Variants in KCNH8 observed in about 807,000 individuals in gnomAD.
KCNH8 encodes voltage-gated delayed rectifier potassium channel KCNH8.
Under a neutral mutation model 103.6 loss-of-function variants are expected in KCNH8, and 70 were observed. The ratio of observed to expected loss-of-function variants is 0.68; its 90% CI spans 0.56 to 0.82. The LOEUF is 0.82. Among genes scored for constraint, KCNH8 ranks in the 40% least tolerant of loss-of-function variants. The pLI, the probability that KCNH8 is intolerant of heterozygous loss-of-function variation, is 0.00. For synonymous variants in KCNH8, 498 were observed against 489.4 expected (o/e 1.02, Z -0.23); for missense variants, 1,217 against 1,329.9 (o/e 0.92, Z 1.32).
At chr3:19,154,597 C>T (rs1003247389) in intron 1 of KCNH8, among the ~76,000 whole-genome samples, 18 of 152,138 alleles carry the variant, frequency 1.2e-4, no homozygotes, top group Non-Finnish European at 2.4e-4. Context: ...AATAAAGGTT[C>T]CATAGAATGC....
intron 11 of KCNH8, among the ~76,000 whole-genome samples, chr3:19,508,016 T>C (rs896998794): frequency 4.6e-5 from 7 of 152,240 alleles, no homozygotes; most frequent in African/African-American, 1.7e-4. Context: ...GGGTTTTGCT[T>C]TTAATTCTGT....
intron 4 of KCNH8, among the ~76,000 whole-genome samples, chr3:19,343,418 T>C (rs1171310488): frequency 6.6e-6 from 1 of 152,092 alleles, no homozygotes; most frequent in Non-Finnish European, 1.5e-5. Context: ...TTGTAATTGG[T>C]TCTTAGCACT....
intron 1 of KCNH8, among the ~76,000 whole-genome samples, chr3:19,194,738 A>G (rs1481057117): frequency 6.6e-6 from 1 of 151,896 alleles, no homozygotes. Flanking sequence ...CATACAATAT[A>G]TTCATGTAAC....
At chr3:19,380,022 G>A (rs996785328) in intron 5 of KCNH8, among the ~76,000 whole-genome samples, 4 of 152,102 alleles carry the variant, frequency 2.6e-5, no homozygotes, top group Non-Finnish European at 4.4e-5. Context: ...ATAAAGTTTT[G>A]CTTATTAATC....
At chr3:19,466,807 A>G (rs770414412) in intron 11 of KCNH8, among the ~76,000 whole-genome samples, 2 of 151,370 alleles carry the variant, frequency 1.3e-5, no homozygotes, top group South Asian at 2.1e-4. Flanking sequence ...GATTACAGGC[A>G]TGTGCCACCC....
At chr3:19,447,382 C>T (rs2067378232) in intron 8 of KCNH8, among the ~76,000 whole-genome samples, 1 of 151,950 alleles carries the variant, frequency 6.6e-6, no homozygotes, top group Admixed American at 6.6e-5. Flanking sequence ...ACAATTAATC[C>T]AGTAATTCAT....
chr3:19,476,616 A>T (rs958050213), intron 11 of KCNH8, among the ~76,000 whole-genome samples: 1 of 152,166 alleles, frequency 6.6e-6, no homozygotes, highest in African/African-American at 2.4e-5. Flanking sequence ...CTTTTCACAC[A>T]GATTACCCTG....
intron 1 of KCNH8, among the ~76,000 whole-genome samples, chr3:19,235,353 A>G (rs937301975): frequency 1.3e-5 from 2 of 151,850 alleles, no homozygotes; most frequent in African/African-American, 4.9e-5. Context: ...CTGTTTATAT[A>G]CACAAAAATA....
intron 3 of KCNH8, among the ~76,000 whole-genome samples, chr3:19,333,689 A>T (rs2065542982): frequency 6.6e-6 from 1 of 152,230 alleles, no homozygotes; most frequent in Non-Finnish European, 1.5e-5. Context: ...ATGACAATGT[A>T]TTCCAGCCAA....
intron 6 of KCNH8, among the ~76,000 whole-genome samples, chr3:19,392,045 A>G (rs972020560): frequency 4.6e-4 from 70 of 151,378 alleles, no homozygotes; most frequent in African/African-American, 1.5e-3. Flanking sequence ...TTTATGTTCC[A>G]TTTTTATTTG....
intron 11 of KCNH8, among the ~76,000 whole-genome samples, chr3:19,499,607 G>A (rs1575145457): frequency 6.6e-6 from 1 of 152,152 alleles, no homozygotes; most frequent in South Asian, 2.1e-4. Flanking sequence ...AAACTCTACA[G>A]GCCAGAAGAG....
At position 19,535,583 on chromosome 3, in the gene KCNH8, CTT is replaced by C. The variant is rs2069248785; in HGVS notation, c.*1486_*1487del. The C allele has an allele frequency of 6.6e-6, 1 of 152,172 alleles. No homozygotes were observed. Among genetic ancestry groups the C allele is most frequent in the South Asian group, 2.1e-4 (1 of 4,828 alleles). The allele number at this position is 152,172 out of a possible 1,614,324, so 9.4% of individuals were successfully genotyped here. Reference sequence around the variant, plus strand: ...TATTGGGTTCACATTCTGGAGTTCTCTTTATTTTCCACCACAAAAAATAATCT... The same window carrying C: ...TATTGGGTTCACATTCTGGAGTTCTCTATTTTCCACCACAAAAAATAATCT... On this transcript the variant is annotated 3_prime_UTR_variant, in exon 16 of 16. Coordinates refer to ENST00000328405, the MANE Select transcript of KCNH8 (RefSeq NM_144633.3).
intron 11 of KCNH8, among the ~76,000 whole-genome samples, chr3:19,470,918 A>T (rs978139960): frequency 6.6e-6 from 1 of 152,238 alleles, no homozygotes; most frequent in East Asian, 1.9e-4. Flanking sequence ...GCAGTGGCTC[A>T]TGCTTCATCT....
At chr3:19,196,581 A>G (rs981214381) in intron 1 of KCNH8, among the ~76,000 whole-genome samples, 1 of 152,018 alleles carries the variant, frequency 6.6e-6, no homozygotes, top group African/African-American at 2.4e-5. Context: ...ACAACTCTGT[A>G]AACTGTGGAA....
chr3:19,438,259 C>T lies in KCNH8; in HGVS notation c.1273C>T (p.Leu425=). 1.2e-6 allele frequency: 2 copies of T among 1,614,126 alleles called. No individual in the cohort carries two copies. The highest frequency in any genetic ancestry group is 1.7e-6 in the Non-Finnish European group (2 of 1,180,008). The stretch of plus-strand genomic sequence containing the variant: ...GATCCGAAGTGCCTATATTGCCGCT[C>T]TGTACTTCACGCTGAGCAGCCTCAC... ...PSIRSAYIAA[L]YFTLSSLTSV... The change falls in exon 8 of 16, where the codon CTG becomes TTG. Residue 425 remains leucine (L), a synonymous_variant. Transcript: ENST00000328405.
At chr3:19,310,198 T>A (rs2065190716) in intron 3 of KCNH8, among the ~76,000 whole-genome samples, 1 of 151,986 alleles carries the variant, frequency 6.6e-6, no homozygotes, top group Admixed American at 6.6e-5. Flanking sequence ...ATTACCATGG[T>A]ATTTGAGATG....
chr3:19,192,517 A>C (rs1022327825), intron 1 of KCNH8, among the ~76,000 whole-genome samples: 1 of 151,580 alleles, frequency 6.6e-6, no homozygotes, highest in Non-Finnish European at 1.5e-5. Flanking sequence ...GTCTATTTCC[A>C]TCTGCTTTAT....
At chr3:19,290,041 T>G (rs1231142896) in intron 3 of KCNH8, among the ~76,000 whole-genome samples, 1 of 152,162 alleles carries the variant, frequency 6.6e-6, no homozygotes, top group African/African-American at 2.4e-5. Flanking sequence ...GATTTGGCTC[T>G]CTGTTTGTCT....
At chr3:19,261,521 A>T (rs2064435647) in intron 2 of KCNH8, among the ~76,000 whole-genome samples, 1 of 151,164 alleles carries the variant, frequency 6.6e-6, no homozygotes, top group Non-Finnish European at 1.5e-5. Context: ...GTGGTTTGAA[A>T]TTTTTTTTCT....
Sources: allele counts gnomAD v4.1 joint callset (sites outside exome capture counted in the v4.1 genomes callset), GRCh38; gene constraint gnomAD v4.1.1; transcripts MANE v1.5; gene names NCBI Gene and HGNC (gene_info 2026-07-23, HGNC 2026-07-21).